FBXL4: variants seen among roughly 807,000 people sequenced by gnomAD.
FBXL4 encodes F-box and leucine rich repeat protein 4.
A neutral mutation model predicts 58.9 loss-of-function variants in FBXL4; 40 were observed. The ratio of observed to expected loss-of-function variants is 0.68; its 90% CI spans 0.53 to 0.88. The LOEUF (loss-of-function observed/expected upper bound fraction) is 0.88, where lower values mean the gene tolerates loss of function less well. FBXL4 is among the 40% of genes least tolerant of loss of function. FBXL4 has a pLI of 0.00. For synonymous variants in FBXL4, 263 were observed against 265.5 expected (o/e 0.99, Z 0.09); for missense variants, 676 against 734.4 (o/e 0.92, Z 0.92).
intron 7 of FBXL4, among the ~76,000 whole-genome samples, chr6:98,887,705 C>A (rs1030081682): frequency 6.6e-6 from 1 of 152,024 alleles, no homozygotes; most frequent in Non-Finnish European, 1.5e-5. Flanking sequence ...GAATAAGAGA[C>A]GTGAGATCAA....
At chr6:98,930,791 C>CA (rs1289419117) in intron 2 of FBXL4, among the ~76,000 whole-genome samples, 3 of 151,806 alleles carry the variant, frequency 2.0e-5, no homozygotes, top group South Asian at 2.1e-4. Context: ...CAATCCTTAA[C>CA]AAAAAAAATT....
At chr6:98,944,729 C>T (rs990130273) in intron 1 of FBXL4, among the ~76,000 whole-genome samples, 1 of 152,114 alleles carries the variant, frequency 6.6e-6, no homozygotes, top group Non-Finnish European at 1.5e-5. Context: ...TAATGTCTCC[C>T]TCTCTGGCAA....
intron 3 of FBXL4, among the ~76,000 whole-genome samples, chr6:98,927,421 T>C (rs917488236): frequency 2.6e-5 from 4 of 152,214 alleles, no homozygotes; most frequent in Admixed American, 6.5e-5. Flanking sequence ...AAAATACTGC[T>C]GTAAATTCAA....
chr6:98,895,598 A>G (rs1269745342), intron 7 of FBXL4, among the ~76,000 whole-genome samples: 1 of 152,226 alleles, frequency 6.6e-6, no homozygotes, highest in East Asian at 1.9e-4. Flanking sequence ...TTGTGCCAGC[A>G]GGCAATTTAT....
chr6:98,925,292 C>T (rs1043433600), intron 4 of FBXL4, among the ~76,000 whole-genome samples: 2 of 151,954 alleles, frequency 1.3e-5, no homozygotes. Context: ...TGTACATGCC[C>T]TGCTAGTGGG....
intron 8 of FBXL4, among the ~76,000 whole-genome samples, chr6:98,877,735 T>C (rs1011522338): frequency 2.6e-5 from 4 of 152,198 alleles, no homozygotes; most frequent in Non-Finnish European, 5.9e-5. Context: ...ATCACATAAT[T>C]AGTAGGAAAC....
At chr6:98,913,127 C>G (rs1772168013) in intron 5 of FBXL4, among the ~76,000 whole-genome samples, 1 of 152,338 alleles carries the variant, frequency 6.6e-6, no homozygotes, top group East Asian at 1.9e-4. Flanking sequence ...GAAGAGCTAA[C>G]TGTCCTAAAT....
intron 2 of FBXL4, among the ~76,000 whole-genome samples, chr6:98,928,479 C>T (rs1772878325): frequency 6.6e-6 from 1 of 152,080 alleles, no homozygotes; most frequent in Non-Finnish European, 1.5e-5. Context: ...CAGGCATACA[C>T]CATCATGCCC....
chr6:98,917,061 A>G (rs965004067), intron 5 of FBXL4, among the ~76,000 whole-genome samples: 14 of 152,136 alleles, frequency 9.2e-5, no homozygotes, highest in Non-Finnish European at 2.1e-4. Flanking sequence ...TATTGCCCAC[A>G]GTTAAAGTGT....
intron 7 of FBXL4, chr6:98,898,872 T>G (rs1771501559): frequency 1.0e-6 from 1 of 985,278 alleles, no homozygotes; most frequent in Admixed American, 6.2e-5. Flanking sequence ...ATTACAAATT[T>G]TAACCCCCAA....
At chr6:98,937,722 C>T (rs1417160923) in intron 1 of FBXL4, among the ~76,000 whole-genome samples, 6 of 152,110 alleles carry the variant, frequency 3.9e-5, no homozygotes, top group Non-Finnish European at 7.4e-5. Context: ...TTTCATTTCT[C>T]CAAAAATATC....
intron 1 of FBXL4, among the ~76,000 whole-genome samples, chr6:98,941,443 C>T (rs1014277525): frequency 6.6e-6 from 1 of 152,116 alleles, no homozygotes; most frequent in African/African-American, 2.4e-5. Context: ...CACAAAGGGG[C>T]CACACAAGGA....
chr6:98,935,413 G>A (rs1773173378), intron 1 of FBXL4, among the ~76,000 whole-genome samples: 1 of 151,818 alleles, frequency 6.6e-6, no homozygotes, highest in African/African-American at 2.4e-5. Flanking sequence ...CAGGTACGAT[G>A]ATACAACATA....
At chr6:98,894,372 T>A (rs927039821) in intron 7 of FBXL4, among the ~76,000 whole-genome samples, 1 of 152,086 alleles carries the variant, frequency 6.6e-6, no homozygotes, top group African/African-American at 2.4e-5. Context: ...TAAGCACAAC[T>A]AAAGTGTCCT....
At chr6:98,886,783 T>G (rs963616650) in intron 7 of FBXL4, among the ~76,000 whole-genome samples, 1 of 152,202 alleles carries the variant, frequency 6.6e-6, no homozygotes, top group African/African-American at 2.4e-5. Context: ...ATATACTTTT[T>G]GGTATATCTG....
In FBXL4 at chr6:98,874,345, T is replaced by C; in HGVS notation, c.1799A>G (p.Asn600Ser). 1 of 1,613,192 alleles carries C rather than the reference T, an allele frequency of 6.2e-7. No homozygotes were observed. The highest frequency in any genetic ancestry group is 8.5e-7 in the Non-Finnish European group (1 of 1,179,678). ...LDVSFCSQID[N>S]RAVLELNASF... ...TGCATTCAGTTCTAGCACAGCTCTGTTATCAATCTGCGAACAGAAGGACAC... is the reference window on the plus strand; with the variant it reads ...TGCATTCAGTTCTAGCACAGCTCTGCTATCAATCTGCGAACAGAAGGACAC... Residue 600 changes from asparagine (N) to serine (S), a missense_variant, in exon 10 of 10, where the codon AAC (asparagine) becomes AGC (serine). Coordinates refer to ENST00000369244, the MANE Select transcript of FBXL4 (RefSeq NM_001278716.2).
intron 7 of FBXL4, among the ~76,000 whole-genome samples, chr6:98,881,712 C>G (rs1486378768): frequency 3.3e-5 from 5 of 151,902 alleles, no homozygotes; most frequent in Non-Finnish European, 5.9e-5. Flanking sequence ...ATACTTAAGT[C>G]TAATTATTTC....
intron 1 of FBXL4, among the ~76,000 whole-genome samples, chr6:98,945,711 A>T (rs1020538061): frequency 4.6e-5 from 7 of 152,160 alleles, no homozygotes; most frequent in African/African-American, 1.7e-4. Context: ...ACAGCCATTT[A>T]TCTCTTAGAT....
At chr6:98,935,808 A>G (rs1773196583) in intron 1 of FBXL4, among the ~76,000 whole-genome samples, 1 of 151,380 alleles carries the variant, frequency 6.6e-6, no homozygotes, top group East Asian at 1.9e-4. Flanking sequence ...AAAAAAAAAA[A>G]GAATAAGGCA....
Sources: allele counts gnomAD v4.1 joint callset (sites outside exome capture counted in the v4.1 genomes callset), GRCh38; gene constraint gnomAD v4.1.1; transcripts MANE v1.5; gene names NCBI Gene and HGNC (gene_info 2026-07-23, HGNC 2026-07-21).